DNAH3: variants seen among roughly 807,000 people sequenced by gnomAD.
The protein encoded by DNAH3 is axonemal beta dynein heavy chain 3.
In DNAH3, 332 loss-of-function variants were observed where a neutral mutation model predicts 432.5. The observed-to-expected ratio is 0.77, with a 90% CI of 0.70 to 0.84. The LOEUF (loss-of-function observed/expected upper bound fraction) is 0.84. Among genes scored for constraint, DNAH3 ranks in the 40% least tolerant of loss-of-function variants. The pLI, the probability that DNAH3 is intolerant of heterozygous loss-of-function variation, is 0.00. For synonymous variants in DNAH3, 1,956 were observed against 1,900.2 expected (o/e 1.03, Z -0.76); for missense variants, 4,861 against 5,114.0 (o/e 0.95, Z 1.51).
At chr16:20,980,978 C>T (rs2085870699) in intron 49 of DNAH3, among the ~76,000 whole-genome samples, 1 of 152,100 alleles carries the variant, frequency 6.6e-6, no homozygotes, top group South Asian at 2.1e-4. Context: ...TGCGTGCATT[C>T]CAATAAAACT....
At chr16:20,936,155 A>G (rs1381890174) in intron 60 of DNAH3, among the ~76,000 whole-genome samples, 1 of 141,418 alleles carries the variant, frequency 7.1e-6, no homozygotes, top group Non-Finnish European at 1.6e-5. Context: ...CCAGTTTGTG[A>G]CATTTTTTTT....
At chr16:21,002,441 GTTGTTATTA>G (rs920891560) in intron 42 of DNAH3, among the ~76,000 whole-genome samples, 1 of 92,592 alleles carries the variant, frequency 1.1e-5, no homozygotes, top group African/African-American at 4.8e-5. Flanking sequence ...ACTATCTGGT[GTTGTTATTA>G]TTATTATTAT....
At chr16:21,077,198 C>T (rs910851749) in intron 20 of DNAH3, among the ~76,000 whole-genome samples, 8 of 151,898 alleles carry the variant, frequency 5.3e-5, no homozygotes, top group Admixed American at 4.6e-4. Flanking sequence ...AGTCTCACTG[C>T]GATGCCCAGG....
intron 19 of DNAH3, among the ~76,000 whole-genome samples, chr16:21,084,295 TATG>T (rs909146957): frequency 2.0e-5 from 3 of 151,846 alleles, no homozygotes; most frequent in Non-Finnish European, 2.9e-5. Context: ...TCATTATTAT[TATG>T]GTTAGAATTT....
chr16:21,156,656 T>C (rs1240741699), intron 1 of DNAH3, among the ~76,000 whole-genome samples: 1 of 152,110 alleles, frequency 6.6e-6, no homozygotes, highest in East Asian at 1.9e-4. Flanking sequence ...ATTCAGTCCA[T>C]TGCAGCAAGT....
intron 21 of DNAH3, among the ~76,000 whole-genome samples, chr16:21,071,226 G>A (rs1259572077): frequency 6.6e-6 from 1 of 152,154 alleles, no homozygotes; most frequent in Non-Finnish European, 1.5e-5. Flanking sequence ...ATTTTTAGTA[G>A]AGACAGGGTT....
intron 3 of DNAH3, among the ~76,000 whole-genome samples, chr16:21,142,471 A>T (rs949094953): frequency 6.6e-6 from 1 of 152,178 alleles, no homozygotes; most frequent in South Asian, 2.1e-4. Flanking sequence ...CAAATAAAAA[A>T]TAAGTACATA....
chr16:21,089,706 A>AT (rs1049857125), intron 18 of DNAH3, among the ~76,000 whole-genome samples: 4 of 152,140 alleles, frequency 2.6e-5, no homozygotes, highest in Admixed American at 6.5e-5. Flanking sequence ...AATTTGTAGC[A>AT]TTAAAAAAGG....
chr16:21,042,634 CT>C lies in DNAH3; in HGVS notation c.4462-432del, dbSNP rs1303676066. ...TTGTTTCATTAAATTTTTTATTTCC[CT>C]TTACTAGATCGCAACAGTCTAGACA... On this transcript the variant is annotated intron_variant, in intron 31 of 61. Coordinates refer to ENST00000261383, the Ensembl canonical transcript of DNAH3. Among the ~76,000 whole-genome samples the C allele has an allele frequency of 2.6e-5, 4 of 151,862 alleles. No homozygotes were observed. The East Asian group carries it at 7.7e-4, about 29-fold the overall frequency.
chr16:21,145,495 C>T (rs1166563518), intron 2 of DNAH3, 89 bp from the exon 4 acceptor site: 1 of 1,155,764 alleles, frequency 8.7e-7, no homozygotes, highest in Non-Finnish European at 1.3e-6. Flanking sequence ...CACAAGAGTT[C>T]CAAGTGCCTT....
intron 41 of DNAH3, among the ~76,000 whole-genome samples, chr16:21,009,817 GTGAGCCGTGA>G (rs2087492386): frequency 6.6e-6 from 1 of 151,682 alleles, no homozygotes; most frequent in Non-Finnish European, 1.5e-5. Context: ...TAAGACTGCA[GTGAGCCGTGA>G]TGAGCCGTGA....
chr16:21,069,791 C>T (rs890388955), intron 22 of DNAH3, among the ~76,000 whole-genome samples, 197 bp from the exon 23 acceptor site: 3 of 152,218 alleles, frequency 2.0e-5, no homozygotes, highest in African/African-American at 7.2e-5. Flanking sequence ...ATGAAACACA[C>T]AAGAGCTTTG....
intron 59 of DNAH3, among the ~76,000 whole-genome samples, chr16:20,940,136 A>G (rs766524156): frequency 6.6e-6 from 1 of 152,172 alleles, no homozygotes; most frequent in Non-Finnish European, 1.5e-5. Context: ...CTGGAATCAG[A>G]CTTAGTTCTG....
At chr16:20,976,459 C>CTGGGATTA (rs1214680083) in intron 50 of DNAH3, among the ~76,000 whole-genome samples, 1 of 152,164 alleles carries the variant, frequency 6.6e-6, no homozygotes, top group Non-Finnish European at 1.5e-5. Context: ...TCCCAAAGTT[C>CTGGGATTA]TGGGATTACA....
chr16:20,954,864 G>A (rs758640968), exon 55 of DNAH3: 10 of 1,614,010 alleles, frequency 6.2e-6, no homozygotes, highest in Non-Finnish European at 8.5e-6. Flanking sequence ...AAGAAACAAA[G>A]GCCAAATAAC....
chr16:20,988,861 C>T (rs1034506418), intron 44 of DNAH3, among the ~76,000 whole-genome samples: 2 of 151,846 alleles, frequency 1.3e-5, no homozygotes, highest in South Asian at 2.1e-4. Flanking sequence ...TTCGTCATCT[C>T]GCTGGCTCAG....
rs368070710 is a variant in DNAH3 at position 21,019,634 on chromosome 16, A to G, written c.6012T>C (p.Phe2004=). 18 of 1,614,002 alleles carry G rather than the reference A, an allele frequency of 1.1e-5. No individual in the cohort carries two copies. The African/African-American group carries it at 2.4e-4, about 22-fold the overall frequency. ...CAGGTTCTAAATTACCTCTTTCTGG[A>G]AAGATGTTGTTTTTGGTGAGTTTGA... Residue 2004 remains phenylalanine, a synonymous_variant, in exon 41 of 62, where the codon TTT becomes TTC. Coordinates refer to ENST00000261383, the Ensembl canonical transcript of DNAH3.
intron 41 of DNAH3, among the ~76,000 whole-genome samples, chr16:21,017,550 C>T (rs1238480562): frequency 6.6e-6 from 1 of 152,228 alleles, no homozygotes; most frequent in African/African-American, 2.4e-5. Flanking sequence ...CCAATGTTCA[C>T]CTCACATACG....
chr16:20,964,603 T>C (rs778807414), exon 53 of DNAH3: 1 of 1,614,194 alleles, frequency 6.2e-7, no homozygotes, highest in African/African-American at 1.3e-5. Context: ...CTTCTCCATG[T>C]TCTTAATCCA....
Sources: allele counts gnomAD v4.1 joint callset (sites outside exome capture counted in the v4.1 genomes callset), GRCh38; gene constraint gnomAD v4.1.1; transcripts MANE v1.5; gene names NCBI Gene and HGNC (gene_info 2026-07-23, HGNC 2026-07-21).